MTR: variants seen among roughly 807,000 people sequenced by gnomAD.
MTR encodes the protein 5-methyltetrahydrofolate-homocysteine methyltransferase, also known as methionine synthase.
A neutral mutation model predicts 154.8 loss-of-function variants in MTR; 84 were observed. The ratio of observed to expected loss-of-function variants is 0.54; its 90% CI spans 0.45 to 0.65. The LOEUF is 0.65. Ranked by LOEUF, MTR falls within the 30% of genes least tolerant of loss-of-function variation. MTR has a pLI of 0.00. For synonymous variants in MTR, 554 were observed against 553.9 expected (o/e 1.00, Z 0.00); for missense variants, 1,275 against 1,570.2 (o/e 0.81, Z 3.18).
chr1:236,860,015 T>G, intron 19 of MTR, 93 bp downstream of exon 19: 2 of 1,021,202 alleles, frequency 2.0e-6, no homozygotes, highest in Non-Finnish European at 2.9e-6. Flanking sequence ...GAGAAGGAGA[T>G]GCCTAGACCA....
intron 18 of MTR, among the ~76,000 whole-genome samples, chr1:236,853,593 C>T (rs2103258159): frequency 6.6e-6 from 1 of 152,210 alleles, no homozygotes; most frequent in South Asian, 2.1e-4. Context: ...TTTTTCTTAG[C>T]AGTGTACTGG....
intron 1 of MTR, chr1:236,800,244 G>C (rs939885649): frequency 2.0e-6 from 2 of 985,388 alleles, no homozygotes; most frequent in Non-Finnish European, 2.4e-6. Context: ...TCATTTTGCC[G>C]ATGCCAAAGG....
Position 236,795,608 on chromosome 1 carries a change from CGCCTGGCGCTG to C in MTR, c.-93_-83del. 1 of 1,602,310 alleles carries C rather than the reference CGCCTGGCGCTG, an allele frequency of 6.2e-7. No individual in the cohort carries two copies. Among genetic ancestry groups the C allele is most frequent in the Non-Finnish European group, 8.5e-7 (1 of 1,177,592 alleles). ...AGACCCGGGCCTTGTGTGGCAGGCT[CGCCTGGCGCTG>C]GCTGGCGTGGCCCTTGGCCGTCGTC... On this transcript the variant is annotated 5_prime_UTR_variant, in exon 1 of 33. Transcript: ENST00000366577.
At chr1:236,888,427 C>T (rs564622781) in intron 27 of MTR, among the ~76,000 whole-genome samples, 17 of 152,320 alleles carry the variant, frequency 1.1e-4, no homozygotes, top group African/African-American at 3.1e-4. Flanking sequence ...GTATTTTAGA[C>T]TCACCAGGAG....
chr1:236,842,914 C>T (rs924917428), intron 15 of MTR, among the ~76,000 whole-genome samples: 3 of 151,462 alleles, frequency 2.0e-5, no homozygotes, highest in Admixed American at 6.6e-5. Context: ...GGTGAAACCC[C>T]GTCTCTACTA....
intron 18 of MTR, among the ~76,000 whole-genome samples, chr1:236,856,094 C>T (rs1162506155): frequency 6.6e-6 from 1 of 152,208 alleles, no homozygotes; most frequent in Non-Finnish European, 1.5e-5. Flanking sequence ...TTTGTAGCCT[C>T]TTTTGCCTCT....
At chr1:236,837,772 A>G (rs1662993800) in intron 14 of MTR, among the ~76,000 whole-genome samples, 1 of 152,132 alleles carries the variant, frequency 6.6e-6, no homozygotes, top group South Asian at 2.1e-4. Context: ...CTGTTGCCTC[A>G]TTTCATTTCT....
chr1:236,854,718 C>T (rs761686561), intron 18 of MTR, among the ~76,000 whole-genome samples: 29 of 152,178 alleles, frequency 1.9e-4, no homozygotes, highest in Non-Finnish European at 2.8e-4. Context: ...GAAAGGGGCT[C>T]CTTATTTGTA....
At chr1:236,874,621 G>T in intron 23 of MTR, 105 bp from the exon 24 acceptor site, 9 of 912,464 alleles carry the variant, frequency 9.9e-6, no homozygotes, top group Non-Finnish European at 1.5e-5. Context: ...AGGTCTTTTG[G>T]TCTTCATTAC....
At chr1:236,886,517 G>T in intron 27 of MTR, 150 bp downstream of exon 27, 2 of 745,004 alleles carry the variant, frequency 2.7e-6, no homozygotes, top group South Asian at 3.2e-5. Context: ...TGACTGGAAA[G>T]AAAGGGAATA....
intron 24 of MTR, among the ~76,000 whole-genome samples, chr1:236,879,668 CA>C (rs1665619461): frequency 6.6e-6 from 1 of 152,196 alleles, no homozygotes; most frequent in Admixed American, 6.5e-5. Context: ...CACTTTAATT[CA>C]TTATGTTCTA....
At position 236,886,313 on chromosome 1, in the gene MTR, A is replaced by G; in HGVS notation, c.2797A>G (p.Ser933Gly). ...SLKERRYLPLSQARKSGFQMD... is the reference protein window; with the variant it reads ...SLKERRYLPLGQARKSGFQMD... ...ACAGGAGAGGAGATACTTACCCTTA[A>G]GTCAAGCCAGAAAAAGTGGTTTCCA... The change falls in exon 27 of 33, where the codon AGT becomes GGT. Residue 933 changes from serine to glycine, a missense_variant. Coordinates refer to ENST00000366577, the MANE Select transcript of MTR (RefSeq NM_000254.3). 1 of 1,614,146 alleles carries G rather than the reference A, an allele frequency of 6.2e-7. No individual in the cohort carries two copies. Among genetic ancestry groups the G allele is most frequent in the Middle Eastern group, 1.6e-4 (1 of 6,062 alleles).
At chr1:236,872,582 T>A (rs566679867) in intron 22 of MTR, among the ~76,000 whole-genome samples, 1 of 152,314 alleles carries the variant, frequency 6.6e-6, no homozygotes, top group South Asian at 2.1e-4. Flanking sequence ...ATCCCAACTC[T>A]GCCTCTAATT....
chr1:236,850,850 C>CA (rs1349479934), intron 16 of MTR, among the ~76,000 whole-genome samples: 3 of 151,948 alleles, frequency 2.0e-5, no homozygotes, highest in South Asian at 2.1e-4. Context: ...TGATGCAAAA[C>CA]AAAAAAACCA....
intron 18 of MTR, among the ~76,000 whole-genome samples, chr1:236,853,537 T>G (rs1411398020): frequency 6.6e-6 from 1 of 152,228 alleles, no homozygotes; most frequent in Non-Finnish European, 1.5e-5. Context: ...TACATACATT[T>G]TTTACAAAAA....
rs915986128 is a variant in MTR at position 236,895,356 on chromosome 1, A to G, written c.3406-2A>G. On this transcript the variant is annotated splice_acceptor_variant, in intron 30 of 32. Transcript: ENST00000366577. LOFTEE classifies it high-confidence loss of function. ...AGCATGCCTGCTGCTTTGGGTCCCA[A>G]GGCCTTTGCAGAAGAGCTCCATGAA... 3.1e-6 allele frequency: 5 copies of G among 1,592,142 alleles called. No individual in the cohort carries two copies. Among genetic ancestry groups the G allele is most frequent in the Non-Finnish European group, 2.6e-6 (3 of 1,168,274 alleles).
intron 1 of MTR, among the ~76,000 whole-genome samples, chr1:236,801,039 A>G (rs1660673676): frequency 6.6e-6 from 1 of 152,222 alleles, no homozygotes; most frequent in Non-Finnish European, 1.5e-5. Flanking sequence ...GGATAGTCAC[A>G]TCATGGAGTG....
intron 14 of MTR, among the ~76,000 whole-genome samples, chr1:236,837,181 C>T (rs755360909): frequency 3.3e-5 from 5 of 152,236 alleles, no homozygotes; most frequent in Non-Finnish European, 5.9e-5. Context: ...AGCCGATACA[C>T]TGGCCTGGTG....
intron 13 of MTR, among the ~76,000 whole-genome samples, chr1:236,833,651 T>A (rs1214978114): frequency 6.6e-6 from 1 of 152,218 alleles, no homozygotes; most frequent in African/African-American, 2.4e-5. Context: ...CTAGCTCTTA[T>A]GACTTAATGA....
Sources: allele counts gnomAD v4.1 joint callset (sites outside exome capture counted in the v4.1 genomes callset), GRCh38; gene constraint gnomAD v4.1.1; transcripts MANE v1.5; gene names NCBI Gene and HGNC (gene_info 2026-07-23, HGNC 2026-07-21).